HIVEP3: variants seen among roughly 807,000 people sequenced by gnomAD.
HIVEP3 encodes the protein HIVEP zinc finger 3, also known as transcription factor HIVEP3.
A neutral mutation model predicts 152.8 loss-of-function variants in HIVEP3; 49 were observed. The observed-to-expected ratio is 0.32, with a 90% CI of 0.26 to 0.41. The LOEUF (loss-of-function observed/expected upper bound fraction) is 0.41. Ranked by LOEUF, HIVEP3 falls within the 10% of genes least tolerant of loss-of-function variation. The pLI is 1.00. For missense variants in HIVEP3, 2,790 were observed against 3,103.3 expected, an observed-to-expected ratio of 0.90 and a Z score of 2.40; for synonymous variants, 1,269 against 1,289.0, an observed-to-expected ratio of 0.98 and a Z score of 0.33.
intron 2 of HIVEP3, among the ~76,000 whole-genome samples, chr1:41,634,129 A>G (rs189906187): frequency 6.6e-6 from 1 of 152,318 alleles, no homozygotes; most frequent in Admixed American, 6.5e-5. Context: ...CTTAAAAAAA[A>G]AAAAAATTAC....
At chr1:41,874,205 T>C (rs1644129119) in intron 1 of HIVEP3, among the ~76,000 whole-genome samples, 1 of 152,226 alleles carries the variant, frequency 6.6e-6, no homozygotes, top group African/African-American at 2.4e-5. Context: ...AGTGCCTATT[T>C]GCATTTTTTA....
chr1:41,812,198 G>A (rs1226313166), intron 1 of HIVEP3, among the ~76,000 whole-genome samples: 1 of 152,126 alleles, frequency 6.6e-6, no homozygotes, highest in Non-Finnish European at 1.5e-5. Flanking sequence ...TTTAAACAGG[G>A]CCTTCATTAA....
At chr1:41,517,301 G>A (rs1271738081) in intron 7 of HIVEP3, among the ~76,000 whole-genome samples, 2 of 152,172 alleles carry the variant, frequency 1.3e-5, no homozygotes, top group Non-Finnish European at 2.9e-5. Flanking sequence ...CTTAACATGA[G>A]TGACACAAGT....
intron 1 of HIVEP3, among the ~76,000 whole-genome samples, chr1:41,924,381 A>G (rs1261492343): frequency 1.3e-5 from 2 of 152,224 alleles, no homozygotes; most frequent in Admixed American, 1.3e-4. Flanking sequence ...TGGCAGCCAT[A>G]GAAAACTACA....
chr1:41,952,793 T>C (rs1040444096), intron 1 of HIVEP3, among the ~76,000 whole-genome samples: 6 of 152,220 alleles, frequency 3.9e-5, no homozygotes, highest in African/African-American at 1.4e-4. Flanking sequence ...CTATTATTCA[T>C]ATTACTGACA....
At chr1:41,786,665 G>T (rs1461155585) in intron 1 of HIVEP3, among the ~76,000 whole-genome samples, 1 of 152,052 alleles carries the variant, frequency 6.6e-6, no homozygotes, top group African/African-American at 2.4e-5. Flanking sequence ...CTACTACCTG[G>T]TCTCTTACCA....
In HIVEP3 at chr1:41,510,219, G is replaced by GT. The variant is rs150626959; in HGVS notation, c.*231dup. 8,296 of 347,040 alleles carry GT rather than the reference G, an allele frequency of 0.024. 239 individuals carry two copies. The highest frequency in any genetic ancestry group is 0.1 in the African/African-American group (4,862 of 46,320). 21.5% of individuals were successfully genotyped at this position (347,040 alleles called of 1,614,324 possible). ...AGCCTCAGACTCCTCGTGGGTTGTT[G>GT]TTTTTTTTTTAAATGTATGTATGTG... On this transcript the variant is annotated 3_prime_UTR_variant, in exon 9 of 9. Transcript: ENST00000372583.
At chr1:41,788,392 G>A (rs975443080) in intron 1 of HIVEP3, among the ~76,000 whole-genome samples, 4 of 152,336 alleles carry the variant, frequency 2.6e-5, no homozygotes, top group South Asian at 2.1e-4. Context: ...GCTCAGAGAG[G>A]CGAAGTGGCC....
At chr1:41,736,639 C>T (rs192905658) in intron 1 of HIVEP3, among the ~76,000 whole-genome samples, 1 of 152,226 alleles carries the variant, frequency 6.6e-6, no homozygotes, top group Non-Finnish European at 1.5e-5. Context: ...TGGGCAGATG[C>T]AGGCCAAGGA....
At position 41,884,258 on chromosome 1, in the gene HIVEP3, G is replaced by A. The variant is rs142932419; in HGVS notation, c.-801+34155C>T. Among the ~76,000 whole-genome samples, 10 of 152,252 alleles carry A rather than the reference G, an allele frequency of 6.6e-5. No homozygotes were observed. In the East Asian group the frequency reaches 1.4e-3, roughly 21 times the overall value. On this transcript the variant is annotated intron_variant, in intron 1 of 8. Transcript: ENST00000372583. ...TGAGATTACAGGTGTGAGCCACCAC[G>A]TCATGAGCCCCCTCCAGTAATTTTC...
intron 3 of HIVEP3, among the ~76,000 whole-genome samples, chr1:41,591,959 A>G (rs564826887): frequency 1.3e-5 from 2 of 152,146 alleles, no homozygotes; most frequent in East Asian, 3.9e-4. Flanking sequence ...CTGCTGTTTG[A>G]GGTCAATTCC....
At chr1:41,939,895 TTC>T (rs1645037379) in intron 1 of HIVEP3, among the ~76,000 whole-genome samples, 1 of 152,112 alleles carries the variant, frequency 6.6e-6, no homozygotes, top group African/African-American at 2.4e-5. Flanking sequence ...TTTTCTTTTT[TTC>T]TTTTTCTTTA....
intron 5 of HIVEP3, among the ~76,000 whole-genome samples, chr1:41,531,826 G>A (rs796848034): frequency 8.6e-5 from 2 of 23,256 alleles, no homozygotes; most frequent in African/African-American, 1.5e-4. Context: ...GGAGGACAGG[G>A]GAGATGGAGG....
At chr1:41,761,987 G>A (rs946667869) in intron 1 of HIVEP3, among the ~76,000 whole-genome samples, 16 of 152,166 alleles carry the variant, frequency 1.1e-4, no homozygotes, top group South Asian at 4.1e-4. Context: ...TCCATTTGGC[G>A]TGCTTTCCTC....
At chr1:41,567,717 G>A (rs1456328048) in intron 5 of HIVEP3, among the ~76,000 whole-genome samples, 1 of 152,186 alleles carries the variant, frequency 6.6e-6, no homozygotes, top group East Asian at 1.9e-4. Flanking sequence ...GCTGGCCCAC[G>A]AGCCATCCCT....
At chr1:41,757,814 A>T (rs905004605) in intron 1 of HIVEP3, among the ~76,000 whole-genome samples, 3 of 151,678 alleles carry the variant, frequency 2.0e-5, no homozygotes, top group African/African-American at 7.3e-5. Context: ...CCTGGGTTCA[A>T]ACTAACCTCC....
At position 41,555,379 on chromosome 1, in the gene HIVEP3, C is replaced by T. The variant is rs749372339; in HGVS notation, c.5207+20165G>A. ...GCACAATATTTGGGCGGCAGTGTTC[C>T]GATTTTCCACGTACAGTCTGTCATG... is the stretch of plus-strand genomic sequence containing the variant. On this transcript the variant is annotated intron_variant, in intron 5 of 8. Transcript: ENST00000372583. Among the ~76,000 whole-genome samples, 5 of 152,170 alleles carry T rather than the reference C, an allele frequency of 3.3e-5. No homozygotes were observed. In the East Asian group the frequency reaches 7.7e-4, roughly 23 times the overall value.
At chr1:41,883,676 C>G (rs1644297710) in intron 1 of HIVEP3, among the ~76,000 whole-genome samples, 1 of 152,200 alleles carries the variant, frequency 6.6e-6, no homozygotes. Context: ...TCAGAGGCAG[C>G]CTGGTGGGTG....
intron 2 of HIVEP3, among the ~76,000 whole-genome samples, chr1:41,689,182 A>G (rs2124105255): frequency 6.6e-6 from 1 of 152,344 alleles, no homozygotes; most frequent in East Asian, 1.9e-4. Flanking sequence ...GTATTTGCAA[A>G]TAAATGTTTT....
Sources: allele counts gnomAD v4.1 joint callset (sites outside exome capture counted in the v4.1 genomes callset), GRCh38; gene constraint gnomAD v4.1.1; transcripts MANE v1.5; gene names NCBI Gene and HGNC (gene_info 2026-07-23, HGNC 2026-07-21).